Variants in TTC28 observed in about 807,000 individuals in gnomAD.
TTC28 encodes tetratricopeptide repeat protein 28.
A neutral mutation model predicts 198.0 loss-of-function variants in TTC28; 61 were observed. The ratio of observed to expected loss-of-function variants is 0.31; its 90% confidence interval spans 0.25 to 0.38. The LOEUF is 0.38. Ranked by LOEUF, TTC28 falls within the 10% of genes least tolerant of loss-of-function variation. The pLI is 1.00. For synonymous variants in TTC28, 1,171 were observed against 1,297.8 expected (o/e 0.90, Z 2.10); for missense variants, 2,678 against 3,164.0 (o/e 0.85, Z 3.69).
At chr22:28,459,266 A>C (rs954617546) in intron 2 of TTC28, among the ~76,000 whole-genome samples, 1 of 151,996 alleles carries the variant, frequency 6.6e-6, no homozygotes, top group African/African-American at 2.4e-5. Context: ...GTCTCTACCC[A>C]ACAAAATACA....
chr22:28,590,034 C>CAAAAAAA (rs71194779), intron 2 of TTC28, among the ~76,000 whole-genome samples: 15 of 68,052 alleles, frequency 2.2e-4, no homozygotes, highest in Middle Eastern at 5.9e-3. Context: ...AAGACTCCAT[C>CAAAAAAA]AAAAAAAAAA....
At chr22:28,191,969 C>A (rs1264294039) in intron 5 of TTC28, among the ~76,000 whole-genome samples, 1 of 152,192 alleles carries the variant, frequency 6.6e-6, no homozygotes, top group Non-Finnish European at 1.5e-5. Context: ...AGCTGGAGAT[C>A]TGAGAACGGA....
intron 6 of TTC28, among the ~76,000 whole-genome samples, chr22:28,128,594 G>A (rs1354358309): frequency 6.6e-6 from 1 of 152,056 alleles, no homozygotes; most frequent in Non-Finnish European, 1.5e-5. Flanking sequence ...CTGGAGTACA[G>A]TGGCTCAATC....
intron 17 of TTC28, among the ~76,000 whole-genome samples, chr22:27,995,681 T>C (rs1380939899): frequency 6.6e-6 from 1 of 152,156 alleles, no homozygotes; most frequent in Non-Finnish European, 1.5e-5. Context: ...AACCTTGAAC[T>C]GTTCAACTTT....
intron 13 of TTC28, among the ~76,000 whole-genome samples, chr22:28,026,363 G>T (rs781710490): frequency 6.6e-6 from 1 of 152,056 alleles, no homozygotes; most frequent in African/African-American, 2.4e-5. Context: ...AAGGTGCTGG[G>T]CCCATGTGAC....
chr22:28,545,129 A>G (rs1485011733), intron 2 of TTC28, among the ~76,000 whole-genome samples: 1 of 152,186 alleles, frequency 6.6e-6, no homozygotes, highest in East Asian at 1.9e-4. Flanking sequence ...TTCCAGTAAC[A>G]TCACACTTAT....
chr22:28,276,505 C>A (rs1410244245), intron 5 of TTC28, among the ~76,000 whole-genome samples: 1 of 151,934 alleles, frequency 6.6e-6, no homozygotes, highest in Non-Finnish European at 1.5e-5. Context: ...TATGCTACTG[C>A]CAAATATATA....
chr22:28,594,283 ATTATATTAT>A (rs1033329950), intron 2 of TTC28, among the ~76,000 whole-genome samples: 4 of 148,736 alleles, frequency 2.7e-5, no homozygotes, highest in East Asian at 3.9e-4. Flanking sequence ...GAAGTAATTA[ATTATATTAT>A]TTATATTATT....
intron 1 of TTC28, among the ~76,000 whole-genome samples, chr22:28,663,568 C>A (rs1287215795): frequency 2.4e-5 from 3 of 124,394 alleles, no homozygotes; most frequent in Admixed American, 8.4e-5. Context: ...CACTCCCACC[C>A]GAATATTGCG....
In TTC28 at chr22:28,107,370, T is replaced by C; in HGVS notation, c.2475A>G (p.Gln825=). The part of the protein sequence containing the change: ...KCYEEQLDLG[Q]KLKDPSLEAQ... ...CTTCCAGACTCGGATCCTTCAGCTT[T>C]TGCCCTAGATCCAGTTGCTCTTCAT... The change falls in exon 7 of 23, where the codon CAA becomes CAG. Residue 825 remains glutamine, a synonymous_variant. Coordinates refer to ENST00000397906, the MANE Select transcript of TTC28 (RefSeq NM_001145418.2). 1 of 1,551,944 alleles carries C rather than the reference T, an allele frequency of 6.4e-7. No homozygotes were observed. Among genetic ancestry groups the C allele is most frequent in the Non-Finnish European group, 8.7e-7 (1 of 1,147,052 alleles).
intron 2 of TTC28, among the ~76,000 whole-genome samples, chr22:28,345,062 C>T (rs1417760054): frequency 6.6e-6 from 1 of 152,132 alleles, no homozygotes; most frequent in Non-Finnish European, 1.5e-5. Context: ...GACTTCAAAG[C>T]CCCCACTCTT....
At chr22:28,312,750 G>T (rs1051584820) in intron 2 of TTC28, among the ~76,000 whole-genome samples, 1 of 152,130 alleles carries the variant, frequency 6.6e-6, no homozygotes, top group African/African-American at 2.4e-5. Context: ...ATGCCCACAA[G>T]AGAAAGCAGG....
intron 2 of TTC28, among the ~76,000 whole-genome samples, chr22:28,481,600 A>G (rs1334054387): frequency 1.3e-5 from 2 of 152,226 alleles, no homozygotes; most frequent in Admixed American, 1.3e-4. Flanking sequence ...AGCCCAACAA[A>G]GTTACAGAAT....
chr22:28,461,337 T>C (rs1404921355), intron 2 of TTC28, among the ~76,000 whole-genome samples: 1 of 152,208 alleles, frequency 6.6e-6, no homozygotes, highest in African/African-American at 2.4e-5. Flanking sequence ...AGTCTAGCTC[T>C]CTCTTTCCAT....
chr22:28,147,733 T>C (rs1943502323), intron 6 of TTC28, among the ~76,000 whole-genome samples: 1 of 152,226 alleles, frequency 6.6e-6, no homozygotes, highest in Non-Finnish European at 1.5e-5. Context: ...AATGAATCGC[T>C]GCATAAGAAG....
At chr22:28,022,211 G>A (rs1191326374) in intron 13 of TTC28, among the ~76,000 whole-genome samples, 1 of 152,152 alleles carries the variant, frequency 6.6e-6, no homozygotes, top group Non-Finnish European at 1.5e-5. Flanking sequence ...CATCTGGCCT[G>A]TGCCCTCTAT....
chr22:28,043,107 G>GGAA (rs1939720217), intron 12 of TTC28, among the ~76,000 whole-genome samples: 2 of 151,890 alleles, frequency 1.3e-5, no homozygotes, highest in African/African-American at 4.8e-5. Context: ...AGCCAGGCAT[G>GGAA]GTGGTGGGCA....
At chr22:28,521,661 G>A (rs2048911937) in intron 2 of TTC28, among the ~76,000 whole-genome samples, 1 of 152,164 alleles carries the variant, frequency 6.6e-6, no homozygotes, top group Admixed American at 6.5e-5. Context: ...GTCTCTTGGG[G>A]ATAGTAAGAC....
At chr22:28,669,242 T>C (rs2051837948) in intron 1 of TTC28, among the ~76,000 whole-genome samples, 1 of 142,800 alleles carries the variant, frequency 7.0e-6, no homozygotes, top group Non-Finnish European at 1.5e-5. Context: ...GCATGGCACA[T>C]GTATACATAT....
Sources: allele counts gnomAD v4.1 joint callset (sites outside exome capture counted in the v4.1 genomes callset), GRCh38; gene constraint gnomAD v4.1.1; transcripts MANE v1.5; gene names NCBI Gene and HGNC (gene_info 2026-07-23, HGNC 2026-07-21).